Variants in LDLRAD3 observed in about 807,000 individuals in gnomAD.
The protein encoded by LDLRAD3 is low-density lipoprotein receptor class A domain-containing protein 3.
In LDLRAD3, 20 loss-of-function variants were observed where a neutral mutation model predicts 29.4. The observed-to-expected ratio is 0.68, with a 90% confidence interval of 0.48 to 0.99. The LOEUF is 0.99. LDLRAD3 is among the 50% of genes least tolerant of loss of function. The pLI is 0.00. For missense variants in LDLRAD3, 420 were observed against 454.3 expected, an observed-to-expected ratio of 0.92 and a Z score of 0.69; for synonymous variants, 157 against 192.7, an observed-to-expected ratio of 0.81 and a Z score of 1.53.
chr11:36,162,224 A>T (rs1432739705), intron 4 of LDLRAD3, among the ~76,000 whole-genome samples: 1 of 152,186 alleles, frequency 6.6e-6, no homozygotes, highest in African/African-American at 2.4e-5. Context: ...GGAGCATCAA[A>T]GCTATTTTTG....
intron 2 of LDLRAD3, among the ~76,000 whole-genome samples, chr11:36,051,367 G>A (rs1852525577): frequency 6.6e-6 from 1 of 152,126 alleles, no homozygotes; most frequent in Admixed American, 6.5e-5. Context: ...TGGGATGAGT[G>A]AGTCAAATCA....
At chr11:36,084,104 T>G (rs1305150507) in intron 3 of LDLRAD3, among the ~76,000 whole-genome samples, 3 of 151,828 alleles carry the variant, frequency 2.0e-5, no homozygotes, top group African/African-American at 4.8e-5. Flanking sequence ...CAATTTTTTT[T>G]TGTAGAGATG....
chr11:35,989,669 T>C (rs899545292), intron 1 of LDLRAD3, among the ~76,000 whole-genome samples: 5 of 152,194 alleles, frequency 3.3e-5, no homozygotes, highest in African/African-American at 1.2e-4. Context: ...GTGGCTATTA[T>C]AAATGGGATT....
chr11:36,033,758 CT>C (rs1375682196), intron 1 of LDLRAD3, among the ~76,000 whole-genome samples: 1 of 152,174 alleles, frequency 6.6e-6, no homozygotes, highest in East Asian at 1.9e-4. Flanking sequence ...TAGGGTCCCC[CT>C]CAAGCCCTTG....
chr11:36,144,821 C>T (rs1480792495), intron 4 of LDLRAD3, among the ~76,000 whole-genome samples: 9 of 129,238 alleles, frequency 7.0e-5, no homozygotes, highest in Non-Finnish European at 1.5e-4. Flanking sequence ...GTCAGCCCCC[C>T]GCCCGGCCAG....
chr11:35,967,824 C>G (rs775067304), intron 1 of LDLRAD3: 12 of 432,688 alleles, frequency 2.8e-5, no homozygotes, highest in Non-Finnish European at 5.0e-5. Context: ...AAGCTCCTGC[C>G]ATTGCAGTAT....
chr11:36,227,769 A>C (rs1161867668), intron 5 of LDLRAD3, among the ~76,000 whole-genome samples: 2 of 152,142 alleles, frequency 1.3e-5, no homozygotes, highest in Non-Finnish European at 2.9e-5. Flanking sequence ...TACAGTTAGG[A>C]TCCTGGCCTG....
rs951973861 is a variant in LDLRAD3, at chr11:36,207,992, T to C, written c.455-19093T>C. On this transcript the variant is annotated intron_variant, in intron 4 of 5. Transcript: ENST00000315571. Reference sequence around the variant, plus strand: ...TTTGGAAATAGATAGATCCTGGTTATAAATAAATCATTTCTACATCTCCAC... The same window carrying C: ...TTTGGAAATAGATAGATCCTGGTTACAAATAAATCATTTCTACATCTCCAC... Among the ~76,000 whole-genome samples, 18 of 152,172 alleles carry C rather than the reference T, an allele frequency of 1.2e-4. 1 individual carries two copies. Among genetic ancestry groups the C allele is most frequent in the Non-Finnish European group, 2.5e-4 (17 of 68,026 alleles).
intron 4 of LDLRAD3, among the ~76,000 whole-genome samples, chr11:36,133,036 C>G (rs1853949173): frequency 6.6e-6 from 1 of 152,166 alleles, no homozygotes; most frequent in Non-Finnish European, 1.5e-5. Flanking sequence ...AGCCTCTTGT[C>G]TAGTGTTTGG....
chr11:36,118,171 C>T (rs1481045762), intron 4 of LDLRAD3, among the ~76,000 whole-genome samples: 1 of 152,126 alleles, frequency 6.6e-6, no homozygotes, highest in African/African-American at 2.4e-5. Context: ...AATTGTCCCA[C>T]TCCAGATACC....
chr11:36,102,386 G>T (rs1853462948), intron 4 of LDLRAD3, among the ~76,000 whole-genome samples: 4 of 152,110 alleles, frequency 2.6e-5, no homozygotes, highest in Admixed American at 1.3e-4. Flanking sequence ...GAGCAAACTG[G>T]CTGGCTCCAA....
intron 4 of LDLRAD3, among the ~76,000 whole-genome samples, chr11:36,156,889 G>A (rs1298138991): frequency 6.6e-6 from 1 of 152,224 alleles, no homozygotes; most frequent in East Asian, 1.9e-4. Context: ...GAGAACGTGT[G>A]TATGTCAGTC....
intron 1 of LDLRAD3, among the ~76,000 whole-genome samples, chr11:36,006,521 G>A (rs1851887641): frequency 6.6e-6 from 1 of 152,204 alleles, no homozygotes; most frequent in Admixed American, 6.5e-5. Context: ...CCCAGACTGG[G>A]CACCTTGGGC....
At position 36,036,086 on chromosome 11, in the gene LDLRAD3, T is replaced by A. The variant is rs774834648; in HGVS notation, c.47-17T>A. On this transcript the variant is annotated splice_polypyrimidine_tract_variant and intron_variant, in intron 1 of 5. Transcript: ENST00000315571. ...TGCTGTTGCTGTGCCGTCTGACCTG[T>A]CCCCTCTCTCTGACAGAGAGCCAGC... 1 of 1,612,554 alleles carries A rather than the reference T, an allele frequency of 6.2e-7. No individual in the cohort carries two copies. The highest frequency in any genetic ancestry group is 8.5e-7 in the Non-Finnish European group (1 of 1,179,002).
At chr11:36,143,581 T>C (rs1565254569) in intron 4 of LDLRAD3, among the ~76,000 whole-genome samples, 1 of 152,326 alleles carries the variant, frequency 6.6e-6, no homozygotes, top group South Asian at 2.1e-4. Context: ...GAAACAGGTA[T>C]GGAGACTGTG....
intron 4 of LDLRAD3, chr11:36,197,455 G>A (rs2133371267): frequency 6.6e-6 from 1 of 152,336 alleles, no homozygotes; most frequent in South Asian, 2.1e-4. Context: ...AGGTTGTGCT[G>A]GGTACACAGT....
In LDLRAD3 at chr11:36,143,746, C is replaced by CT. The variant is rs984450334; in HGVS notation, c.454+45293dup. Among the ~76,000 whole-genome samples, 9 of 151,930 alleles carry CT rather than the reference C, an allele frequency of 5.9e-5. No homozygotes were observed. In the South Asian group the frequency reaches 6.2e-4, roughly 11 times the overall value. On this transcript the variant is annotated intron_variant, in intron 4 of 5. Transcript: ENST00000315571. ...GCAGGTCTGGTTTCTCCCAGCACCC[C>CT]TTTTTTTTGGCTTGTAGATGGCATC...
In LDLRAD3 at chr11:36,229,613, AGGTC is replaced by A; in HGVS notation, c.*217_*220del. ...TGATCTGTTGTGCGTCTTTTCTGTCAGGTCACTCTTCCCTTGGGACCCGAGATCA... is the reference window on the plus strand; with the variant it reads ...TGATCTGTTGTGCGTCTTTTCTGTCAACTCTTCCCTTGGGACCCGAGATCA... On this transcript the variant is annotated 3_prime_UTR_variant, in exon 6 of 6. Coordinates refer to ENST00000315571, the MANE Select transcript of LDLRAD3 (RefSeq NM_174902.4). 2.2e-6 allele frequency: 1 copy of A among 447,568 alleles called. No individual in the cohort carries two copies. Among genetic ancestry groups the A allele is most frequent in the East Asian group, 3.2e-5 (1 of 30,864 alleles). The allele number at this position is 447,568 out of a possible 1,614,324, so 27.7% of individuals were successfully genotyped here. A position where few individuals can be genotyped will look rare whatever the true frequency, so the allele number is the denominator to read the frequency against.
At chr11:36,013,549 C>G (rs1851982175) in intron 1 of LDLRAD3, among the ~76,000 whole-genome samples, 2 of 141,946 alleles carry the variant, frequency 1.4e-5, no homozygotes, top group African/African-American at 5.2e-5. Context: ...TGAGTGAGAA[C>G]ATGTGGTGTT....
Sources: allele counts gnomAD v4.1 joint callset (sites outside exome capture counted in the v4.1 genomes callset), GRCh38; gene constraint gnomAD v4.1.1; transcripts MANE v1.5; gene names NCBI Gene and HGNC (gene_info 2026-07-23, HGNC 2026-07-21).